The following NCKAP5 variants were observed in gnomAD, a reference collection of about 807,000 sequenced individuals.
NCKAP5 encodes the protein nck-associated protein 5.
In NCKAP5, 92 loss-of-function variants were observed where a neutral mutation model predicts 167.0. The ratio of observed to expected loss-of-function variants is 0.55; its 90% CI spans 0.47 to 0.66. The LOEUF (loss-of-function observed/expected upper bound fraction) is 0.66. Ranked by LOEUF, NCKAP5 falls within the 30% of genes least tolerant of loss-of-function variation. NCKAP5 has a pLI of 0.00. For synonymous variants in NCKAP5, 891 were observed against 877.4 expected (o/e 1.02, Z -0.27); for missense variants, 2,378 against 2,315.0 (o/e 1.03, Z -0.56).
At chr2:133,620,350 A>G in the NCKAP5 span, among the ~76,000 whole-genome samples, 7 of 152,094 alleles carry the variant, frequency 4.6e-5, no homozygotes, top group African/African-American at 1.7e-4. Context: ...TAATACGTCA[A>G]CCAAGTTTCT....
chr2:132,857,436 C>T (rs933599636), intron 11 of NCKAP5, among the ~76,000 whole-genome samples: 35 of 152,166 alleles, frequency 2.3e-4, no homozygotes, highest in African/African-American at 7.5e-4. Context: ...TTCAGCTCAA[C>T]TGGTAAGACA....
At chr2:133,054,912 C>A (rs981215350) in intron 6 of NCKAP5, among the ~76,000 whole-genome samples, 2 of 152,086 alleles carry the variant, frequency 1.3e-5, no homozygotes, top group Non-Finnish European at 2.9e-5. Context: ...AAAATGAAAA[C>A]CCTGATGAAA....
intron 19 of NCKAP5, among the ~76,000 whole-genome samples, chr2:132,698,397 T>C (rs1687546357): frequency 6.6e-6 from 1 of 152,224 alleles, no homozygotes; most frequent in Admixed American, 6.5e-5. Flanking sequence ...GAGTGAACAC[T>C]GGCTGTGTCA....
chr2:133,346,993 C>T (rs1185379976), intron 3 of NCKAP5, among the ~76,000 whole-genome samples: 1 of 152,134 alleles, frequency 6.6e-6, no homozygotes, highest in Non-Finnish European at 1.5e-5. Flanking sequence ...TGGGCCCTGC[C>T]CTGAAAATGA....
At chr2:133,468,625 T>C (rs962378315) in intron 3 of NCKAP5, among the ~76,000 whole-genome samples, 5 of 152,296 alleles carry the variant, frequency 3.3e-5, no homozygotes, top group South Asian at 2.1e-4. Context: ...AAAGTCTCCA[T>C]TATTAATGTG....
At chr2:133,255,906 G>C (rs928961433) in intron 4 of NCKAP5, among the ~76,000 whole-genome samples, 1 of 152,126 alleles carries the variant, frequency 6.6e-6, no homozygotes, top group Non-Finnish European at 1.5e-5. Flanking sequence ...TCATAAGTAT[G>C]AACTGACAGG....
intron 6 of NCKAP5, among the ~76,000 whole-genome samples, chr2:133,045,201 C>T (rs2079353258): frequency 6.6e-6 from 1 of 151,926 alleles, no homozygotes; most frequent in South Asian, 2.1e-4. Context: ...TGGAACAATG[C>T]ACAGCACAGA....
chr2:133,117,891 C>A (rs905614357), intron 6 of NCKAP5: 2 of 152,156 alleles, frequency 1.3e-5, no homozygotes, highest in African/African-American at 4.8e-5. Context: ...AAGATGCAAG[C>A]GAATGATGCA....
At chr2:133,383,286 A>G (rs558699891) in intron 3 of NCKAP5, among the ~76,000 whole-genome samples, 1 of 152,036 alleles carries the variant, frequency 6.6e-6, no homozygotes, top group Non-Finnish European at 1.5e-5. Flanking sequence ...TCATTGTTCA[A>G]TTCCCACCTA....
At chr2:133,122,831 A>C (rs1482352208) in intron 6 of NCKAP5, 1 of 152,236 alleles carries the variant, frequency 6.6e-6, no homozygotes, top group African/African-American at 2.4e-5. Context: ...TACAAATGTG[A>C]AATTATTACT....
At chr2:133,125,450 T>C (rs556902430) in intron 6 of NCKAP5, among the ~76,000 whole-genome samples, 71 of 152,252 alleles carry the variant, frequency 4.7e-4, no homozygotes, top group African/African-American at 1.5e-3. Flanking sequence ...GTCTGGACAA[T>C]CACAATTCAA....
At chr2:133,299,523 G>A (rs1164692138) in intron 4 of NCKAP5, among the ~76,000 whole-genome samples, 2 of 152,078 alleles carry the variant, frequency 1.3e-5, no homozygotes, top group African/African-American at 4.8e-5. Flanking sequence ...AAGGCGGGTG[G>A]ATCACCTGAG....
At chr2:132,944,721 T>C (rs1338322047) in intron 8 of NCKAP5, among the ~76,000 whole-genome samples, 2 of 152,190 alleles carry the variant, frequency 1.3e-5, no homozygotes, top group African/African-American at 2.4e-5. Flanking sequence ...GAAACTACTG[T>C]TCTATGCTTT....
chr2:133,410,365 T>A (rs988276761), intron 3 of NCKAP5, among the ~76,000 whole-genome samples: 9 of 152,224 alleles, frequency 5.9e-5, no homozygotes, highest in African/African-American at 2.2e-4. Flanking sequence ...GCGGTTTTCA[T>A]AGCCCCTGCT....
chr2:133,522,392 G>A (rs1183570641), intron 2 of NCKAP5, among the ~76,000 whole-genome samples: 1 of 152,102 alleles, frequency 6.6e-6, no homozygotes, highest in East Asian at 1.9e-4. Context: ...GACAATGTTT[G>A]ATGTGCACCC....
chr2:133,615,843 T>C, the NCKAP5 span, among the ~76,000 whole-genome samples: 1 of 152,032 alleles, frequency 6.6e-6, no homozygotes, highest in African/African-American at 2.4e-5. Context: ...ATCAACAGAA[T>C]GTACATTTTT....
intron 3 of NCKAP5, among the ~76,000 whole-genome samples, chr2:133,373,112 T>C (rs1456624871): frequency 6.6e-6 from 1 of 152,174 alleles, no homozygotes; most frequent in African/African-American, 2.4e-5. Context: ...CAGGCTGGGG[T>C]GCAATGGCAT....
At chr2:132,954,808 A>G (rs1202060322) in intron 8 of NCKAP5, 2 of 413,904 alleles carry the variant, frequency 4.8e-6, no homozygotes, top group African/African-American at 4.1e-5. Context: ...ATTTTCTGTA[A>G]TGTGACTATT....
intron 19 of NCKAP5, among the ~76,000 whole-genome samples, chr2:132,714,686 G>T (rs186528448): frequency 2.0e-5 from 3 of 152,062 alleles, no homozygotes; most frequent in South Asian, 4.2e-4. Context: ...GCATGGTGGC[G>T]CATGCCTCTA....
Sources: allele counts gnomAD v4.1 joint callset (sites outside exome capture counted in the v4.1 genomes callset), GRCh38; gene constraint gnomAD v4.1.1; transcripts MANE v1.5; gene names NCBI Gene and HGNC (gene_info 2026-07-23, HGNC 2026-07-21).